Variants in MAGI1 observed in about 807,000 individuals in gnomAD.
The protein encoded by MAGI1 is membrane-associated guanylate kinase, WW and PDZ domain-containing protein 1.
MAGI1 carries 58 observed loss-of-function variants against 139.9 expected under a neutral mutation model. The ratio of observed to expected loss-of-function variants is 0.41; its 90% CI spans 0.34 to 0.52. MAGI1 has a LOEUF of 0.52. MAGI1 is among the 20% of genes least tolerant of loss of function. MAGI1 has a pLI of 0.12. For synonymous variants in MAGI1, 812 were observed against 737.9 expected (o/e 1.10, Z -1.63); for missense variants, 1,874 against 1,901.6 (o/e 0.99, Z 0.27).
Position 65,739,380 on chromosome 3 carries a change from A to G in MAGI1, c.314-117292T>C, listed in dbSNP as rs117781864. On this transcript the variant is annotated intron_variant, in intron 1 of 22. Coordinates refer to ENST00000402939, the MANE Select transcript of MAGI1 (RefSeq NM_001033057.2). Reference sequence around the variant, plus strand: ...AATGTTGTACCTGGTTTAATCTTCTATCCAGACCAACTTTCTCCACATTAG... The same window carrying G: ...AATGTTGTACCTGGTTTAATCTTCTGTCCAGACCAACTTTCTCCACATTAG... 1.3e-3 allele frequency among the ~76,000 whole-genome samples: 200 copies of G among 152,312 alleles called. 3 individuals are homozygous for G. The East Asian group carries it at 0.031, about 24-fold the overall frequency.
In MAGI1 at chr3:65,554,252, G is replaced by C. The variant is rs1306363050; in HGVS notation, c.431-60621C>G. Among the ~76,000 whole-genome samples the C allele has an allele frequency of 2.6e-5, 4 of 152,258 alleles. No individual in the cohort carries two copies. In the East Asian group the frequency reaches 7.7e-4, roughly 29 times the overall value. On this transcript the variant is annotated intron_variant, in intron 2 of 22. Transcript: ENST00000402939. ...TGTGATATAGAGTCATGCAGTGCTT[G>C]CTAAATATTAGCAAATATAACAGTA... is the stretch of plus-strand genomic sequence containing the variant.
intron 1 of MAGI1, among the ~76,000 whole-genome samples, chr3:65,658,645 ATGCT>A (rs2086021936): frequency 6.6e-6 from 1 of 152,194 alleles, no homozygotes; most frequent in South Asian, 2.1e-4. Context: ...GGTGATGCTA[ATGCT>A]GTTGGTCCCT....
intron 12 of MAGI1, among the ~76,000 whole-genome samples, chr3:65,410,684 G>A (rs1370440066): frequency 1.3e-5 from 2 of 152,168 alleles, no homozygotes; most frequent in African/African-American, 4.8e-5. Flanking sequence ...TCTACAGATA[G>A]CCGAAGAGTG....
intron 1 of MAGI1, among the ~76,000 whole-genome samples, chr3:65,792,853 C>T (rs1014730404): frequency 2.0e-5 from 3 of 152,084 alleles, no homozygotes; most frequent in African/African-American, 7.2e-5. Context: ...ATAACTGACA[C>T]CACGGAAAGC....
chr3:65,853,643 C>T (rs150956487), intron 1 of MAGI1, among the ~76,000 whole-genome samples: 4 of 152,206 alleles, frequency 2.6e-5, no homozygotes, highest in African/African-American at 9.6e-5. Context: ...AAACCTGAGA[C>T]GTATCCAAAA....
chr3:65,688,964 G>T (rs1559788520), intron 1 of MAGI1, among the ~76,000 whole-genome samples: 1 of 152,086 alleles, frequency 6.6e-6, no homozygotes, highest in Non-Finnish European at 1.5e-5. Context: ...CCCTACTCTG[G>T]AAAAACAGAC....
intron 1 of MAGI1, among the ~76,000 whole-genome samples, chr3:65,867,623 T>C (rs1704501037): frequency 6.6e-6 from 1 of 152,054 alleles, no homozygotes; most frequent in Non-Finnish European, 1.5e-5. Context: ...AAGTCCCAGT[T>C]ACTGTGGGGG....
Position 65,679,347 on chromosome 3 carries a change from T to C in MAGI1, c.314-57259A>G, listed in dbSNP as rs184876661. On this transcript the variant is annotated intron_variant, in intron 1 of 22. Coordinates refer to ENST00000402939, the MANE Select transcript of MAGI1 (RefSeq NM_001033057.2). ...GATAAGAGCTATAGCTGACATTTCC[T>C]AAGGATTCTTTGATAAATTTCATCA... 2.6e-5 allele frequency among the ~76,000 whole-genome samples: 4 copies of C among 152,274 alleles called. No individual in the cohort carries two copies. The East Asian group carries it at 5.8e-4, about 22-fold the overall frequency.
intron 1 of MAGI1, among the ~76,000 whole-genome samples, chr3:65,881,959 T>C (rs970238884): frequency 6.6e-6 from 1 of 152,212 alleles, no homozygotes; most frequent in East Asian, 1.9e-4. Flanking sequence ...TCAAGTTCTA[T>C]CACAGATCAA....
intron 1 of MAGI1, among the ~76,000 whole-genome samples, chr3:65,678,040 G>A (rs1335628225): frequency 6.6e-6 from 1 of 152,200 alleles, no homozygotes; most frequent in African/African-American, 2.4e-5. Context: ...GATGAAGCTG[G>A]AAGCCATCAT....
chr3:65,871,472 G>A (rs922073153), intron 1 of MAGI1, among the ~76,000 whole-genome samples: 2 of 152,178 alleles, frequency 1.3e-5, no homozygotes, highest in African/African-American at 4.8e-5. Context: ...AAGCAAATTT[G>A]GGAATTGCTG....
intron 1 of MAGI1, among the ~76,000 whole-genome samples, chr3:65,731,568 T>C (rs1300416071): frequency 6.6e-6 from 1 of 150,986 alleles, no homozygotes; most frequent in Non-Finnish European, 1.5e-5. Context: ...GGTGGGAGAT[T>C]CACTTGAGCC....
At chr3:65,529,086 T>C (rs1002446460) in intron 2 of MAGI1, among the ~76,000 whole-genome samples, 7 of 151,702 alleles carry the variant, frequency 4.6e-5, no homozygotes, top group East Asian at 3.9e-4. Context: ...AAACAAAATA[T>C]TGTCATTAAG....
chr3:65,634,037 T>C (rs527956028), intron 1 of MAGI1, among the ~76,000 whole-genome samples: 1 of 152,192 alleles, frequency 6.6e-6, no homozygotes, highest in Non-Finnish European at 1.5e-5. Context: ...ATGAGCCAGA[T>C]AGCAATATGA....
In MAGI1 at chr3:65,734,127, G is replaced by A. The variant is rs369371205; in HGVS notation, c.314-112039C>T. Reference sequence around the variant, plus strand: ...GGTTTGGAGAACAGATATAGCAGATGAGGATGCCAACTCATTTTTCATTTG... The same window carrying A: ...GGTTTGGAGAACAGATATAGCAGATAAGGATGCCAACTCATTTTTCATTTG... On this transcript the variant is annotated intron_variant, in intron 1 of 22. Transcript: ENST00000402939. 7.9e-5 allele frequency among the ~76,000 whole-genome samples: 12 copies of A among 152,270 alleles called. No individual in the cohort carries two copies. In the East Asian group the frequency reaches 9.7e-4, roughly 12 times the overall value.
intron 1 of MAGI1, among the ~76,000 whole-genome samples, chr3:65,964,369 A>G (rs1039693306): frequency 1.3e-5 from 2 of 152,210 alleles, no homozygotes; most frequent in Non-Finnish European, 2.9e-5. Flanking sequence ...GTCATCTGAA[A>G]TCACCTTGAC....
intron 1 of MAGI1, among the ~76,000 whole-genome samples, chr3:66,005,740 T>C (rs560148739): frequency 6.9e-4 from 105 of 152,208 alleles, no homozygotes; most frequent in African/African-American, 2.4e-3. Context: ...GGCAGCACCA[T>C]GCCAGGGAGA....
At chr3:65,900,656 C>T (rs1270211781) in intron 1 of MAGI1, among the ~76,000 whole-genome samples, 2 of 152,316 alleles carry the variant, frequency 1.3e-5, no homozygotes, top group South Asian at 2.1e-4. Context: ...CTGTGGTGAA[C>T]ACCACCAGGT....
intron 1 of MAGI1, among the ~76,000 whole-genome samples, chr3:65,677,163 C>T (rs914703888): frequency 2.6e-5 from 4 of 152,140 alleles, no homozygotes; most frequent in African/African-American, 9.7e-5. Context: ...CTTTAGAGTT[C>T]AGACTAGGCT....
Sources: gnomAD v4.1 joint callset for allele counts (sites outside exome capture counted in the v4.1 genomes callset) on GRCh38, gnomAD v4.1.1 for gene constraint, MANE v1.5 for transcripts, NCBI Gene and HGNC (gene_info 2026-07-23, HGNC 2026-07-21) for gene names.